The following TNK2 variants were observed in gnomAD, a reference collection of about 807,000 sequenced individuals.
The protein encoded by TNK2 is activated CDC42 kinase 1.
Under a neutral mutation model 101.8 loss-of-function variants are expected in TNK2, and 83 were observed. That is an observed-to-expected ratio of 0.82 (90% CI 0.68 to 0.98). The LOEUF (loss-of-function observed/expected upper bound fraction) is 0.98. TNK2 is among the 50% of genes least tolerant of loss of function. TNK2 has a pLI of 0.00. For missense variants in TNK2, 1,665 were observed against 1,483.2 expected (o/e 1.12, Z -2.01); for synonymous variants, 804 against 633.0 (o/e 1.27, Z -4.06).
At chr3:195,873,028 G>A (rs560492990) in intron 9 of TNK2, among the ~76,000 whole-genome samples, 4 of 152,262 alleles carry the variant, frequency 2.6e-5, no homozygotes, top group East Asian at 3.9e-4. Context: ...GAATGCAGAC[G>A]CGGGAGAGTC....
At chr3:195,901,802 A>G (rs1332509354) in intron 1 of TNK2, among the ~76,000 whole-genome samples, 5 of 152,216 alleles carry the variant, frequency 3.3e-5, no homozygotes, top group African/African-American at 9.6e-5. Flanking sequence ...CCAGAGAGTA[A>G]AAGGTAAAGC....
At chr3:195,889,792 TGCGTAAGGTGTGTCA>T (rs1432834057) in intron 1 of TNK2, among the ~76,000 whole-genome samples, 1 of 152,160 alleles carries the variant, frequency 6.6e-6, no homozygotes, top group Non-Finnish European at 1.5e-5. Context: ...CATCCCTGTC[TGCGTAAGGTGTGTCA>T]GAGCTGAGGG....
chr3:195,895,309 A>C (rs755025847), intron 1 of TNK2: 5 of 1,575,304 alleles, frequency 3.2e-6, no homozygotes, highest in Middle Eastern at 1.7e-4. Flanking sequence ...TGGAGCCCCA[A>C]ATCCCAGCGG....
chr3:195,893,373 G>A (rs1409512539), intron 1 of TNK2, among the ~76,000 whole-genome samples: 1 of 151,992 alleles, frequency 6.6e-6, no homozygotes, highest in Non-Finnish European at 1.5e-5. Context: ...CCTGTCTGCT[G>A]CCCAAACACC....
chr3:195,872,913 T>C (rs894165764), intron 9 of TNK2: 5 of 171,228 alleles, frequency 2.9e-5, no homozygotes, highest in Admixed American at 5.7e-5. Flanking sequence ...TTGATTTCAC[T>C]CCTCGGCTGG....
At chr3:195,866,147 T>G (rs1210887476) in intron 15 of TNK2, among the ~76,000 whole-genome samples, 1 of 152,236 alleles carries the variant, frequency 6.6e-6, no homozygotes, top group Non-Finnish European at 1.5e-5. Context: ...GTCTATATAT[T>G]TTGTTAAACT....
At chr3:195,869,162 G>A (rs1322239891) in intron 12 of TNK2, 12 of 544,062 alleles carry the variant, frequency 2.2e-5, no homozygotes, top group South Asian at 1.5e-4. Context: ...CCTGACCAAC[G>A]GCCACAAAGC....
In TNK2 at chr3:195,882,215, G is replaced by A; in HGVS notation, c.723C>T (p.Gly241=). The change falls in exon 6 of 16, where the codon GGC becomes GGT. Residue 241 remains glycine, a synonymous_variant. Coordinates refer to ENST00000672887, the MANE Select transcript of TNK2 (RefSeq NM_001382273.1). The surrounding 1 kb of genome is among the most constrained non-coding windows in gnomAD (Gnocchi z 4.2). ...GAATAAAGCGCTTGGACTCCAGGTA[G>A]CCCATGCCCTCAGCCACCTGCACAG... ...RYAVQVAEGM[G]YLESKRFIHR... The A allele has an allele frequency of 6.2e-7, 1 of 1,613,894 alleles. No homozygotes were observed. Among genetic ancestry groups the A allele is most frequent in the Admixed American group, 1.7e-5 (1 of 60,024 alleles).
rs2149219761 is a variant in TNK2 at position 195,867,735 on chromosome 3, C to T, written c.2563G>A (p.Ala855Thr). Reference sequence around the variant, plus strand: ...ACGATGGGCAGGATGCAGGGACCAGCCCGCGGGCCAGGGGCCTGGATCACC... The same window carrying T: ...ACGATGGGCAGGATGCAGGGACCAGTCCGCGGGCCAGGGGCCTGGATCACC... ...PQVIQAPGPR[A>T]GPCILPIVRD... Residue 855 changes from alanine to threonine, a missense_variant, in exon 13 of 16, where the codon GCT becomes ACT. This residue lies in a region of TNK2 where 1,136 missense variants were observed against 894.9 expected (regional missense o/e 1.27). Transcript: ENST00000672887. 6.2e-7 allele frequency: 1 copy of T among 1,602,496 alleles called. No individual in the cohort carries two copies. The highest frequency in any genetic ancestry group is 1.3e-5 in the African/African-American group (1 of 74,614).
chr3:195,876,561 C>T lies in TNK2; in HGVS notation c.1256+1692G>A, dbSNP rs141234146. 364 of 456,778 alleles carry T rather than the reference C, an allele frequency of 8.0e-4. 2 individuals carry two copies. Among genetic ancestry groups the T allele is most frequent in the South Asian group, 3.6e-3 (233 of 64,576 alleles). The allele number at this position is 456,778 out of a possible 1,614,324, so 28.3% of individuals were successfully genotyped here. The stretch of plus-strand genomic sequence containing the variant: ...CTCTGCCACCACCGACACCCAGGCC[C>T]GCTCCCAAGCCTCACCGGCTGTTGT... On this transcript the variant is annotated intron_variant, in intron 9 of 15. Coordinates refer to ENST00000672887, the MANE Select transcript of TNK2 (RefSeq NM_001382273.1).
chr3:195,893,060 G>A (rs144603034), intron 1 of TNK2, among the ~76,000 whole-genome samples: 162 of 152,056 alleles, frequency 1.1e-3, no homozygotes, highest in Admixed American at 3.8e-3. Flanking sequence ...CAAACAGCAC[G>A]TATGAAGCAG....
chr3:195,869,378 A>C, intron 12 of TNK2, 119 bp downstream of exon 12: 1 of 1,061,372 alleles, frequency 9.4e-7, no homozygotes, highest in Non-Finnish European at 1.4e-6. Flanking sequence ...GGAAGCTCAC[A>C]GCACACACCC....
Position 195,890,630 on chromosome 3 carries a change from G to C in TNK2, c.-18-2024C>G, listed in dbSNP as rs187135760. Among the ~76,000 whole-genome samples the C allele has an allele frequency of 2.1e-4, 32 of 152,076 alleles. 1 individual carries two copies. Among genetic ancestry groups the C allele is most frequent in the Middle Eastern group, 3.4e-3 (1 of 294 alleles). On this transcript the variant is annotated intron_variant, in intron 1 of 15. Coordinates refer to ENST00000672887, the MANE Select transcript of TNK2 (RefSeq NM_001382273.1). ...ATTTTTGTATTTTTAGTGGAGACAG[G>C]GTTCCTCCATGTTGGCCAGGCTGGT...
At chr3:195,865,754 A>G (rs1277027198) in intron 15 of TNK2, among the ~76,000 whole-genome samples, 1 of 151,674 alleles carries the variant, frequency 6.6e-6, no homozygotes, top group Admixed American at 6.6e-5. Flanking sequence ...CCCAGCTGCA[A>G]ATCAGTAAGA....
At chr3:195,875,528 G>A (rs1748591912) in intron 9 of TNK2, among the ~76,000 whole-genome samples, 1 of 152,196 alleles carries the variant, frequency 6.6e-6, no homozygotes, top group Non-Finnish European at 1.5e-5. Flanking sequence ...GCTCCAGTGG[G>A]ACTTCCAAGA....
At chr3:195,903,165 C>CA (rs765638048) in intron 1 of TNK2, among the ~76,000 whole-genome samples, 12 of 152,068 alleles carry the variant, frequency 7.9e-5, no homozygotes, top group Non-Finnish European at 1.8e-4. Flanking sequence ...CTCAGCCTCC[C>CA]AAGTAGCTGG....
At position 195,863,785 on chromosome 3, in the gene TNK2, CGCCTGCCCAGGTCCA is replaced by C. The variant is rs1290221020; in HGVS notation, c.*381_*395del. On this transcript the variant is annotated 3_prime_UTR_variant, in exon 16 of 16. Transcript: ENST00000672887. The stretch of plus-strand genomic sequence containing the variant: ...GCCTCTCCCTGTGGCCAACACATCC[CGCCTGCCCAGGTCCA>C]GCCTGGTTTCCTCCCAGTCTGTCAC... 4.7e-6 allele frequency: 1 copy of C among 213,888 alleles called. No individual in the cohort carries two copies. The highest frequency in any genetic ancestry group is 2.3e-5 in the African/African-American group (1 of 43,890). 13.2% of individuals were successfully genotyped at this position (213,888 alleles called of 1,614,324 possible).
At position 195,868,183 on chromosome 3, in the gene TNK2, C is replaced by A. The variant is rs7516; in HGVS notation, c.2115G>T (p.Pro705=). ...TGGGCGGCTTGCCCCCACCCTGGGG[C>A]GGGAGGAACAGGTTGTCCTCCAGGG... The part of the protein sequence containing the change: ...PPPLEDNLFL[P]PQGGGKPPSS... Residue 705 remains proline (P), a synonymous_variant, in exon 13 of 16, where the codon CCG becomes CCT. Transcript: ENST00000672887. The A allele has an allele frequency of 1.2e-6, 2 of 1,608,984 alleles. No homozygotes were observed. The highest frequency in any genetic ancestry group is 1.7e-5 in the Admixed American group (1 of 59,612).
At chr3:195,864,411 G>A (rs528564761) in intron 15 of TNK2, among the ~76,000 whole-genome samples, 5 of 152,204 alleles carry the variant, frequency 3.3e-5, no homozygotes, top group African/African-American at 1.2e-4. Flanking sequence ...GAAGACGACA[G>A]GTGGGATAGA....
Sources: allele counts gnomAD v4.1 joint callset (sites outside exome capture counted in the v4.1 genomes callset), GRCh38; gene constraint gnomAD v4.1.1; regional missense constraint gnomAD v4.1.1; non-coding constraint Gnocchi (gnomAD v3.1); transcripts MANE v1.5; gene names NCBI Gene and HGNC (gene_info 2026-07-23, HGNC 2026-07-21).